Variants in SGCZ observed in about 807,000 individuals in gnomAD.
The protein encoded by SGCZ is zeta-sarcoglycan.
Under a neutral mutation model 41.3 loss-of-function variants are expected in SGCZ, and 40 were observed. That is an observed-to-expected ratio of 0.97 (90% CI 0.75 to 1.26). SGCZ has a LOEUF of 1.26. SGCZ is among the 50% of genes most tolerant of loss of function. The pLI is 0.00. For synonymous variants in SGCZ, 206 were observed against 137.5 expected, an observed-to-expected ratio of 1.50 and a Z score of -3.49; for missense variants, 552 against 369.8, an observed-to-expected ratio of 1.49 and a Z score of -4.04.
chr8:14,271,304 T>C (rs561520483), intron 3 of SGCZ, among the ~76,000 whole-genome samples: 2 of 152,344 alleles, frequency 1.3e-5, no homozygotes, highest in South Asian at 2.1e-4. Flanking sequence ...TTATTACTAT[T>C]ATCTATAATT....
chr8:14,088,865 C>T lies in SGCZ; in HGVS notation c.*1578G>A, dbSNP rs916323691. Among the ~76,000 whole-genome samples the T allele has an allele frequency of 6.6e-6, 1 of 151,894 alleles. No homozygotes were observed. The highest frequency in any genetic ancestry group is 1.5e-5 in the Non-Finnish European group (1 of 67,892). On this transcript the variant is annotated 3_prime_UTR_variant, in exon 8 of 8. Coordinates refer to ENST00000382080, the MANE Select transcript of SGCZ (RefSeq NM_139167.4). ...CAACAAGTTCTAATCTCCCAGTTCA[C>T]TCTGAGCTGTAGACACCTGAACTCC...
At chr8:14,328,778 T>G (rs1229831540) in intron 2 of SGCZ, among the ~76,000 whole-genome samples, 2 of 152,188 alleles carry the variant, frequency 1.3e-5, no homozygotes, top group Non-Finnish European at 2.9e-5. Flanking sequence ...GTGATAGTAT[T>G]AAGAGGTGGA....
At chr8:15,004,326 G>T (rs73665360) in intron 1 of SGCZ, among the ~76,000 whole-genome samples, 2,043 of 152,200 alleles carry the variant, frequency 0.013, 34 homozygotes, top group African/African-American at 0.04. Context: ...CCAGGCCCAC[G>T]CATGTGCACC....
chr8:14,928,193 T>G (rs1250120061), intron 1 of SGCZ, among the ~76,000 whole-genome samples: 1 of 152,212 alleles, frequency 6.6e-6, no homozygotes, highest in African/African-American at 2.4e-5. Flanking sequence ...AGGAAATTAA[T>G]GTCAATGACA....
intron 2 of SGCZ, among the ~76,000 whole-genome samples, chr8:14,513,688 T>C (rs768711165): frequency 5.3e-5 from 8 of 152,046 alleles, no homozygotes; most frequent in Non-Finnish European, 1.0e-4. Flanking sequence ...AAATAAATAT[T>C]ACCAGTTCCT....
intron 1 of SGCZ, among the ~76,000 whole-genome samples, chr8:15,039,672 T>C (rs1804008638): frequency 1.3e-5 from 2 of 152,216 alleles, no homozygotes; most frequent in African/African-American, 4.8e-5. Context: ...TCACCAGCAA[T>C]ACAACAGAAT....
intron 1 of SGCZ, among the ~76,000 whole-genome samples, chr8:14,674,928 G>GTTTTTTTTTTTT (rs201881681): frequency 2.0e-4 from 14 of 71,006 alleles, no homozygotes; most frequent in African/African-American, 6.6e-4. Context: ...TTTCTTTTCT[G>GTTTTTTTTTTTT]TTTTTTTTTT....
intron 2 of SGCZ, among the ~76,000 whole-genome samples, chr8:14,479,754 T>TTTTTTTTTTTTTTTTTTTTGTTTG (rs1801479225): frequency 1.4e-5 from 1 of 69,436 alleles, no homozygotes; most frequent in African/African-American, 4.2e-5. Flanking sequence ...TTTTTTTTTT[T>TTTTTTTTTTTTTTTTTTTTGTTTG]TTTTTTTATT....
chr8:15,160,932 C>T (rs1222712236), intron 1 of SGCZ, among the ~76,000 whole-genome samples: 1 of 152,172 alleles, frequency 6.6e-6, no homozygotes, highest in Non-Finnish European at 1.5e-5. Context: ...TGGTGTGCAG[C>T]CACTACAGTG....
At chr8:14,301,407 T>C (rs561090402) in intron 3 of SGCZ, among the ~76,000 whole-genome samples, 1 of 152,136 alleles carries the variant, frequency 6.6e-6, no homozygotes, top group Non-Finnish European at 1.5e-5. Context: ...AAGCCTAACA[T>C]CTTTACTGGA....
At chr8:14,540,370 A>G (rs1182004007) in intron 2 of SGCZ, among the ~76,000 whole-genome samples, 1 of 149,442 alleles carries the variant, frequency 6.7e-6, no homozygotes, top group African/African-American at 2.5e-5. Context: ...TTATGGCTGA[A>G]TATTACCTTT....
rs1188202126 is a variant in SGCZ at position 14,395,118 on chromosome 8, ATACTC to A, written c.235-70919_235-70915del. Among the ~76,000 whole-genome samples, 12 of 152,324 alleles carry A rather than the reference ATACTC, an allele frequency of 7.9e-5. No individual in the cohort carries two copies. In the East Asian group the frequency reaches 1.2e-3, roughly 15 times the overall value. ...AAGGAACATAGAATGTGCTCAGTAAATACTCTATAATTATTCTGTTCTTAGCTTTT... is the reference window on the plus strand; with the variant it reads ...AAGGAACATAGAATGTGCTCAGTAAATATAATTATTCTGTTCTTAGCTTTT... On this transcript the variant is annotated intron_variant, in intron 2 of 7. Coordinates refer to ENST00000382080, the MANE Select transcript of SGCZ (RefSeq NM_139167.4).
chr8:14,298,352 C>T (rs1182290595), intron 3 of SGCZ, among the ~76,000 whole-genome samples: 1 of 151,620 alleles, frequency 6.6e-6, no homozygotes, highest in East Asian at 1.9e-4. Context: ...CAGGCCTCAC[C>T]CAGCATGACT....
intron 7 of SGCZ, among the ~76,000 whole-genome samples, chr8:14,093,560 C>G (rs558924517): frequency 6.6e-6 from 1 of 152,006 alleles, no homozygotes; most frequent in Admixed American, 6.6e-5. Context: ...AACCGAAATA[C>G]TTTTCTCCAG....
intron 1 of SGCZ, among the ~76,000 whole-genome samples, chr8:14,939,691 T>G: frequency 6.6e-6 from 1 of 152,114 alleles, no homozygotes; most frequent in East Asian, 1.9e-4. Context: ...TCATAAAAAT[T>G]CATCACCAGT....
chr8:14,612,605 A>T (rs1034442262), intron 1 of SGCZ, among the ~76,000 whole-genome samples: 1 of 152,222 alleles, frequency 6.6e-6, no homozygotes, highest in African/African-American at 2.4e-5. Flanking sequence ...GAATTGAAAG[A>T]ATTCAGATAT....
chr8:14,282,773 C>A (rs1192510394), intron 3 of SGCZ, among the ~76,000 whole-genome samples: 1 of 151,232 alleles, frequency 6.6e-6, no homozygotes, highest in Non-Finnish European at 1.5e-5. Flanking sequence ...CCTATTAGCT[C>A]TTCTGGCTCT....
chr8:15,123,818 C>T (rs1201172092), intron 1 of SGCZ, among the ~76,000 whole-genome samples: 5 of 152,104 alleles, frequency 3.3e-5, no homozygotes, highest in Admixed American at 1.3e-4. Flanking sequence ...CAACATCAAT[C>T]GCAGACTGAG....
chr8:14,859,527 T>C (rs1563320359), intron 1 of SGCZ, among the ~76,000 whole-genome samples: 1 of 152,168 alleles, frequency 6.6e-6, no homozygotes, highest in Non-Finnish European at 1.5e-5. Context: ...ATCCCAGCCC[T>C]GATCCATACA....
Sources: allele counts gnomAD v4.1 joint callset (sites outside exome capture counted in the v4.1 genomes callset), GRCh38; gene constraint gnomAD v4.1.1; transcripts MANE v1.5; gene names NCBI Gene and HGNC (gene_info 2026-07-23, HGNC 2026-07-21).